Variants in RUNDC3B observed in about 807,000 individuals in gnomAD.
RUNDC3B encodes the protein RUN domain containing 3B, also known as RUN domain-containing protein 3B.
A neutral mutation model predicts 58.4 loss-of-function variants in RUNDC3B; 33 were observed. The ratio of observed to expected loss-of-function variants is 0.56; its 90% CI spans 0.43 to 0.75. The LOEUF is 0.75. Among genes scored for constraint, RUNDC3B ranks in the 30% least tolerant of loss-of-function variants. RUNDC3B has a pLI of 0.00. For synonymous variants in RUNDC3B, 193 were observed against 195.2 expected, an observed-to-expected ratio of 0.99 and a Z score of 0.10; for missense variants, 501 against 535.7, an observed-to-expected ratio of 0.94 and a Z score of 0.64.
intron 4 of RUNDC3B, among the ~76,000 whole-genome samples, chr7:87,725,189 C>T (rs1053374570): frequency 5.9e-5 from 9 of 152,120 alleles, no homozygotes; most frequent in Admixed American, 2.0e-4. Context: ...GTGCTGCACC[C>T]ATTAACTTGT....
Position 87,770,749 on chromosome 7 carries a change from G to T in RUNDC3B, c.798G>T (p.Lys266Asn). The T allele has an allele frequency of 6.3e-7, 1 of 1,597,006 alleles. No individual in the cohort carries two copies. The highest frequency in any genetic ancestry group is 8.5e-7 in the Non-Finnish European group (1 of 1,170,514). ...AGTATCAGCTTACCCTGGAACAGAA[G>T]GTATTTTAAAATTATCAAAACGTAC... ...KQKYQLTLEQ[K>N]GYLEELLRLR... Residue 266 changes from lysine to asparagine, a missense_variant and splice_region_variant, in exon 7 of 11, where the codon AAG (lysine) becomes AAT (asparagine). By Grantham distance (94) the Lys-to-Asn change is moderately conservative. Coordinates refer to ENST00000394654, the MANE Select transcript of RUNDC3B (RefSeq NM_001134405.2).
At chr7:87,694,093 T>C in intron 2 of RUNDC3B, 1 of 1,489,516 alleles carries the variant, frequency 6.7e-7, no homozygotes. Context: ...CTTTTTTGTG[T>C]GTTTTTGTTT....
At position 87,705,295 on chromosome 7, in the gene RUNDC3B, G is replaced by A. The variant is rs150839761; in HGVS notation, c.372+4741G>A. Among the ~76,000 whole-genome samples the A allele has an allele frequency of 4.9e-3, 740 of 152,084 alleles. 3 individuals carry two copies. Among genetic ancestry groups the A allele is most frequent in the African/African-American group, 0.017 (694 of 41,510 alleles). ...TGAAAAATTAGCCAGGAGTGGTAGC[G>A]CATGCCTGTAATCCCAGCTACTTGG... is the stretch of plus-strand genomic sequence containing the variant. On this transcript the variant is annotated intron_variant, in intron 3 of 10. Coordinates refer to ENST00000394654, the MANE Select transcript of RUNDC3B (RefSeq NM_001134405.2).
At chr7:87,767,695 T>C (rs10256392) in intron 6 of RUNDC3B, among the ~76,000 whole-genome samples, 1 of 152,172 alleles carries the variant, frequency 6.6e-6, no homozygotes, top group African/African-American at 2.4e-5. Context: ...TGGGGTATGC[T>C]GATGACAAGT....
chr7:87,720,634 C>G (rs1178609483), intron 4 of RUNDC3B, among the ~76,000 whole-genome samples: 1 of 150,520 alleles, frequency 6.6e-6, no homozygotes, highest in Admixed American at 6.6e-5. Context: ...CAGAGTCTCA[C>G]TCTGTCACCC....
chr7:87,645,392 C>T (rs1382914084), intron 1 of RUNDC3B, among the ~76,000 whole-genome samples: 4 of 152,030 alleles, frequency 2.6e-5, no homozygotes, highest in Admixed American at 6.6e-5. Flanking sequence ...CCCATTGTTT[C>T]TCATTTCTAA....
intron 7 of RUNDC3B, among the ~76,000 whole-genome samples, 176 bp downstream of exon 7, chr7:87,770,925 T>C (rs1243806636): frequency 6.6e-6 from 1 of 152,248 alleles, no homozygotes; most frequent in Non-Finnish European, 1.5e-5. Context: ...TACTTTTGTT[T>C]GTTGAACTTT....
intron 8 of RUNDC3B, among the ~76,000 whole-genome samples, chr7:87,802,940 G>GT (rs1429031537): frequency 1.3e-5 from 2 of 152,004 alleles, no homozygotes; most frequent in African/African-American, 4.8e-5. Flanking sequence ...AGCCATGATC[G>GT]TATCACTGCA....
intron 2 of RUNDC3B, among the ~76,000 whole-genome samples, chr7:87,697,877 C>T (rs1230122674): frequency 6.6e-6 from 1 of 152,086 alleles, no homozygotes; most frequent in Non-Finnish European, 1.5e-5. Context: ...CCACCGGACT[C>T]AAAGCCCATG....
intron 2 of RUNDC3B, among the ~76,000 whole-genome samples, chr7:87,660,204 A>G (rs1824548051): frequency 6.6e-6 from 1 of 152,084 alleles, no homozygotes; most frequent in Admixed American, 6.6e-5. Flanking sequence ...GTTACCAGTA[A>G]AAACTCTCTG....
At chr7:87,824,380 C>G (rs536870420) in intron 10 of RUNDC3B, among the ~76,000 whole-genome samples, 107 of 152,318 alleles carry the variant, frequency 7.0e-4, no homozygotes, top group Admixed American at 1.5e-3. Flanking sequence ...GCTCTCTTGT[C>G]TGCCACCATG....
chr7:87,672,755 G>A (rs1825957624), intron 2 of RUNDC3B, among the ~76,000 whole-genome samples: 2 of 152,188 alleles, frequency 1.3e-5, no homozygotes, highest in Non-Finnish European at 2.9e-5. Flanking sequence ...TGGGAGAAGT[G>A]TGGTTTCCTG....
chr7:87,681,288 T>C (rs1826904652), intron 2 of RUNDC3B, among the ~76,000 whole-genome samples: 1 of 150,544 alleles, frequency 6.6e-6, no homozygotes, highest in Non-Finnish European at 1.5e-5. Flanking sequence ...TCAATCCATC[T>C]CAGAAAATAG....
intron 2 of RUNDC3B, among the ~76,000 whole-genome samples, chr7:87,678,397 A>C (rs751366065): frequency 3.3e-5 from 5 of 152,236 alleles, no homozygotes; most frequent in African/African-American, 1.2e-4. Flanking sequence ...AAATGCTAAA[A>C]TGTTAACTGT....
intron 9 of RUNDC3B, among the ~76,000 whole-genome samples, chr7:87,810,440 C>CA (rs546705311): frequency 7.8e-4 from 119 of 152,202 alleles, no homozygotes; most frequent in African/African-American, 2.8e-3. Flanking sequence ...CTGTTTGTTA[C>CA]AAAAAATCTC....
intron 2 of RUNDC3B, among the ~76,000 whole-genome samples, chr7:87,651,278 A>G (rs1477106917): frequency 6.6e-6 from 1 of 152,130 alleles, no homozygotes; most frequent in Non-Finnish European, 1.5e-5. Context: ...CATTATGTTT[A>G]TTTGTTTAGC....
chr7:87,750,819 T>A (rs1435233166), intron 6 of RUNDC3B, among the ~76,000 whole-genome samples: 1 of 150,998 alleles, frequency 6.6e-6, no homozygotes, highest in Non-Finnish European at 1.5e-5. Context: ...TTTTCTCCCA[T>A]TTTGTAGGTT....
intron 6 of RUNDC3B, among the ~76,000 whole-genome samples, chr7:87,758,013 T>C (rs541462358): frequency 3.3e-5 from 5 of 152,284 alleles, no homozygotes; most frequent in African/African-American, 1.2e-4. Flanking sequence ...TCAAAATGCA[T>C]TAAAGACTTA....
intron 1 of RUNDC3B, among the ~76,000 whole-genome samples, chr7:87,637,142 C>T (rs1821859413): frequency 6.6e-6 from 1 of 152,296 alleles, no homozygotes; most frequent in African/African-American, 2.4e-5. Context: ...ATGGGAACTA[C>T]AATTCAAGAT....
Sources: gnomAD v4.1 joint callset for allele counts (sites outside exome capture counted in the v4.1 genomes callset) on GRCh38, gnomAD v4.1.1 for gene constraint, MANE v1.5 for transcripts, NCBI Gene and HGNC (gene_info 2026-07-23, HGNC 2026-07-21) for gene names.